NEGR1: variants seen among roughly 807,000 people sequenced by gnomAD.
NEGR1 encodes neuronal growth regulator 1.
Under a neutral mutation model 40.9 loss-of-function variants are expected in NEGR1, and 10 were observed. That is an observed-to-expected ratio of 0.24 (90% CI 0.15 to 0.42). NEGR1 has a LOEUF of 0.42. Among genes scored for constraint, NEGR1 ranks in the 10% least tolerant of loss-of-function variants. The pLI, the probability that NEGR1 is intolerant of heterozygous loss-of-function variation, is 1.00. For missense variants in NEGR1, 352 were observed against 438.9 expected (o/e 0.80, Z 1.77); for synonymous variants, 185 against 166.8 (o/e 1.11, Z -0.84).
intron 1 of NEGR1, among the ~76,000 whole-genome samples, chr1:72,244,656 C>T (rs755455394): frequency 8.6e-5 from 13 of 151,854 alleles, no homozygotes; most frequent in Admixed American, 1.3e-4. Context: ...CATTGTTCCC[C>T]GGGGGACATA....
At chr1:72,005,550 T>G (rs1244959224) in intron 1 of NEGR1, among the ~76,000 whole-genome samples, 1 of 152,222 alleles carries the variant, frequency 6.6e-6, no homozygotes, top group Non-Finnish European at 1.5e-5. Flanking sequence ...ATATCCAGAT[T>G]TGTATTTATT....
At chr1:71,453,102 C>G (rs1646644666) in intron 6 of NEGR1, among the ~76,000 whole-genome samples, 1 of 152,246 alleles carries the variant, frequency 6.6e-6, no homozygotes, top group East Asian at 1.9e-4. Context: ...CCAAGCGTCT[C>G]AATAGCTTTT....
intron 2 of NEGR1, among the ~76,000 whole-genome samples, chr1:71,809,930 A>G (rs993646251): frequency 4.6e-5 from 7 of 152,212 alleles, no homozygotes; most frequent in African/African-American, 1.7e-4. Context: ...AAAGTTTTGC[A>G]TGAAGGGAAA....
chr1:71,999,635 A>ATATATATATATATC (rs1646537164), intron 1 of NEGR1, among the ~76,000 whole-genome samples: 2 of 22,498 alleles, frequency 8.9e-5, no homozygotes, highest in Non-Finnish European at 9.6e-5. Flanking sequence ...CAAAGCAAAT[A>ATATATATATATATC]TATATATATA....
At chr1:72,270,918 T>C (rs921401330) in intron 1 of NEGR1, among the ~76,000 whole-genome samples, 1 of 151,858 alleles carries the variant, frequency 6.6e-6, no homozygotes, top group Non-Finnish European at 1.5e-5. Flanking sequence ...AAAGTGAGAT[T>C]AGCAGAAAAA....
intron 6 of NEGR1, chr1:71,439,700 C>T (rs1646534117): frequency 6.6e-6 from 1 of 152,040 alleles, no homozygotes; most frequent in Admixed American, 6.6e-5. Flanking sequence ...CAATACTTCT[C>T]GTCAAAACTG....
chr1:72,171,546 C>T (rs755888810), intron 1 of NEGR1, among the ~76,000 whole-genome samples: 5 of 152,230 alleles, frequency 3.3e-5, no homozygotes, highest in East Asian at 1.9e-4. Flanking sequence ...AGTTATTTTT[C>T]GCTGTGAGTT....
chr1:71,753,678 G>T (rs1480986115), intron 3 of NEGR1, among the ~76,000 whole-genome samples: 1 of 152,030 alleles, frequency 6.6e-6, no homozygotes, highest in Non-Finnish European at 1.5e-5. Flanking sequence ...TTTATATTCG[G>T]AGAATGAGCT....
chr1:72,223,944 C>T (rs942682974), intron 1 of NEGR1, among the ~76,000 whole-genome samples: 37 of 152,110 alleles, frequency 2.4e-4, no homozygotes, highest in South Asian at 2.1e-4. Context: ...TTGATTTGCA[C>T]CACTGCACTT....
intron 2 of NEGR1, among the ~76,000 whole-genome samples, chr1:71,925,639 A>G (rs1645765417): frequency 6.6e-6 from 1 of 152,206 alleles, no homozygotes; most frequent in Non-Finnish European, 1.5e-5. Context: ...AATGGTTACA[A>G]GGAGTATTGT....
chr1:72,144,349 C>A (rs544939241), intron 1 of NEGR1, among the ~76,000 whole-genome samples: 2 of 151,662 alleles, frequency 1.3e-5, no homozygotes, highest in South Asian at 4.2e-4. Flanking sequence ...CTAATATTAT[C>A]ATAATTTTCC....
At chr1:71,700,787 A>G (rs1247257623) in intron 3 of NEGR1, among the ~76,000 whole-genome samples, 1 of 152,044 alleles carries the variant, frequency 6.6e-6, no homozygotes, top group Admixed American at 6.6e-5. Flanking sequence ...ATATGACAAT[A>G]GGAACATTGC....
intron 4 of NEGR1, among the ~76,000 whole-genome samples, chr1:71,656,190 C>G (rs1430845630): frequency 6.6e-6 from 1 of 152,082 alleles, no homozygotes; most frequent in East Asian, 1.9e-4. Flanking sequence ...AAGTATCAGA[C>G]GCAGTGACAT....
At chr1:71,839,081 A>G (rs1257524309) in intron 2 of NEGR1, among the ~76,000 whole-genome samples, 1 of 151,934 alleles carries the variant, frequency 6.6e-6, no homozygotes, top group Non-Finnish European at 1.5e-5. Flanking sequence ...GTGCCTCAGC[A>G]AAACTTCTAT....
intron 1 of NEGR1, among the ~76,000 whole-genome samples, chr1:72,197,338 A>G (rs1653036866): frequency 6.6e-6 from 1 of 152,150 alleles, no homozygotes; most frequent in East Asian, 1.9e-4. Flanking sequence ...GAATGGTTGC[A>G]AATATAGGTT....
At chr1:71,416,425 A>G (rs1025745092) in intron 6 of NEGR1, among the ~76,000 whole-genome samples, 2 of 152,078 alleles carry the variant, frequency 1.3e-5, no homozygotes, top group Admixed American at 6.5e-5. Flanking sequence ...ATAAGCTTTG[A>G]TCATTTCCAT....
intron 6 of NEGR1, among the ~76,000 whole-genome samples, chr1:71,436,013 T>A (rs1646506889): frequency 6.6e-6 from 1 of 152,130 alleles, no homozygotes; most frequent in Non-Finnish European, 1.5e-5. Flanking sequence ...ATTGTCAATG[T>A]TATGGAAGAG....
chr1:71,927,938 G>A (rs1018022270), intron 2 of NEGR1, among the ~76,000 whole-genome samples: 1 of 146,712 alleles, frequency 6.8e-6, no homozygotes, highest in African/African-American at 2.5e-5. Context: ...GGTTGAGGCT[G>A]CAGTAGGCCA....
chr1:72,263,700 C>G (rs1353972390), intron 1 of NEGR1, among the ~76,000 whole-genome samples: 1 of 151,448 alleles, frequency 6.6e-6, no homozygotes, highest in African/African-American at 2.4e-5. Context: ...GCTGTTCTAA[C>G]TTTCTTGAAT....
Sources: gnomAD v4.1 joint callset for allele counts (sites outside exome capture counted in the v4.1 genomes callset) on GRCh38, gnomAD v4.1.1 for gene constraint, MANE v1.5 for transcripts, NCBI Gene and HGNC (gene_info 2026-07-23, HGNC 2026-07-21) for gene names.